Variants in SPTBN1 observed in about 807,000 individuals in gnomAD.
The protein encoded by SPTBN1 is spectrin beta, non-erythrocytic 1.
A neutral mutation model predicts 266.4 loss-of-function variants in SPTBN1; 32 were observed. The observed-to-expected ratio is 0.12, with a 90% confidence interval of 0.09 to 0.16. The LOEUF is 0.16. SPTBN1 is among the 10% of genes least tolerant of loss of function. The pLI, the probability that SPTBN1 is intolerant of heterozygous loss-of-function variation, is 1.00. For missense variants in SPTBN1, 2,296 were observed against 3,067.1 expected, an observed-to-expected ratio of 0.75 and a Z score of 5.94; for synonymous variants, 1,336 against 1,162.2, an observed-to-expected ratio of 1.15 and a Z score of -3.04.
At chr2:54,504,507 A>G (rs1268986025) in intron 1 of SPTBN1, among the ~76,000 whole-genome samples, 1 of 152,230 alleles carries the variant, frequency 6.6e-6, no homozygotes, top group Admixed American at 6.5e-5. Context: ...GAAAAAGCAG[A>G]AGCACGATTT....
intron 1 of SPTBN1, among the ~76,000 whole-genome samples, chr2:54,465,925 A>G (rs997564575): frequency 1.1e-4 from 17 of 152,230 alleles, no homozygotes; most frequent in African/African-American, 3.4e-4. Context: ...ATGAATTTCC[A>G]TTAATTTTGT....
At chr2:54,500,242 A>G (rs774035435) in intron 1 of SPTBN1, among the ~76,000 whole-genome samples, 2 of 152,234 alleles carry the variant, frequency 1.3e-5, no homozygotes, top group Non-Finnish European at 2.9e-5. Context: ...CAGGCAACAG[A>G]AAACAGAAAA....
At chr2:54,539,064 C>G (rs546247001) in intron 2 of SPTBN1, among the ~76,000 whole-genome samples, 1 of 152,160 alleles carries the variant, frequency 6.6e-6, no homozygotes, top group East Asian at 1.9e-4. Flanking sequence ...CTATTCTGTA[C>G]CCCATGTTCT....
At chr2:54,486,207 T>C (rs373730883) in intron 1 of SPTBN1, among the ~76,000 whole-genome samples, 37 of 151,932 alleles carry the variant, frequency 2.4e-4, no homozygotes, top group African/African-American at 3.4e-4. Flanking sequence ...GCCACCACCC[T>C]GTCTGGGAGG....
At chr2:54,644,698 A>ATATTT in intron 20 of SPTBN1, 112 bp downstream of exon 20, 1 of 1,385,308 alleles carries the variant, frequency 7.2e-7, no homozygotes, top group African/African-American at 1.4e-5. Context: ...ATGGGAAGGC[A>ATATTT]TTTTTAACCC....
At chr2:54,600,293 C>T (rs1469311355) in intron 3 of SPTBN1, among the ~76,000 whole-genome samples, 1 of 152,158 alleles carries the variant, frequency 6.6e-6, no homozygotes, top group Non-Finnish European at 1.5e-5. Context: ...TCTTCCCTGC[C>T]CTTCAGTTCA....
chr2:54,481,755 G>C (rs898483796), intron 1 of SPTBN1, among the ~76,000 whole-genome samples: 1 of 152,176 alleles, frequency 6.6e-6, no homozygotes, highest in Non-Finnish European at 1.5e-5. Context: ...AGAGTGTGTG[G>C]ATGGGTTAGC....
intron 2 of SPTBN1, among the ~76,000 whole-genome samples, chr2:54,535,660 A>G (rs1425658336): frequency 1.3e-5 from 2 of 152,258 alleles, no homozygotes; most frequent in Non-Finnish European, 1.5e-5. Flanking sequence ...AAAAGCTACT[A>G]GTACCATAGT....
At chr2:54,573,947 TCTC>T (rs747924211) in intron 2 of SPTBN1, among the ~76,000 whole-genome samples, 1 of 152,062 alleles carries the variant, frequency 6.6e-6, no homozygotes, top group Non-Finnish European at 1.5e-5. Context: ...AGCCCTCCCT[TCTC>T]CTCTGGGGTT....
chr2:54,493,680 G>A lies in SPTBN1; in HGVS notation c.-47-32692G>A, dbSNP rs1668812341. On this transcript the variant is annotated intron_variant, in intron 1 of 35. Coordinates refer to ENST00000356805, the MANE Select transcript of SPTBN1 (RefSeq NM_003128.3). Reference sequence around the variant, plus strand: ...GCCTCCCAAAGTGTTGGGATTACAGGCATGAGCCACCACACCTGGCCTTAT... The same window carrying A: ...GCCTCCCAAAGTGTTGGGATTACAGACATGAGCCACCACACCTGGCCTTAT... 2.0e-5 allele frequency among the ~76,000 whole-genome samples: 3 copies of A among 152,228 alleles called. No individual in the cohort carries two copies. In the South Asian group the frequency reaches 6.2e-4, roughly 32 times the overall value.
chr2:54,484,700 A>G (rs926882566), intron 1 of SPTBN1, among the ~76,000 whole-genome samples: 3 of 152,160 alleles, frequency 2.0e-5, no homozygotes, highest in African/African-American at 7.2e-5. Context: ...CAAGTAGAGA[A>G]GTGTTAACTC....
intron 18 of SPTBN1, among the ~76,000 whole-genome samples, chr2:54,638,423 A>G (rs11892236): frequency 0.15 from 23,257 of 152,288 alleles, 1,858 homozygotes; most frequent in Middle Eastern, 0.21. Flanking sequence ...TAAGACCTTC[A>G]TCTATCCATC....
chr2:54,664,301 C>CAG lies in SPTBN1; in HGVS notation c.6421-151_6421-150dup. The CAG allele has an allele frequency of 2.7e-6, 2 of 730,714 alleles. No homozygotes were observed. Among genetic ancestry groups the CAG allele is most frequent in the Non-Finnish European group, 4.6e-6 (2 of 437,176 alleles). The allele number at this position is 730,714 out of a possible 1,614,324, so 45.3% of individuals were successfully genotyped here. A position where few individuals can be genotyped will look rare whatever the true frequency, so the allele number is the denominator to read the frequency against. On this transcript the variant is annotated intron_variant, in intron 32 of 35. Transcript: ENST00000356805. The surrounding 1 kb of genome is among the most constrained non-coding windows in gnomAD (Gnocchi z 5.6). Reference sequence around the variant, plus strand: ...CCCACCTTCTAATGTCCTTGATGTCCAGCTGGCTTTGTGGGTGTGCAATGG... The same window carrying CAG: ...CCCACCTTCTAATGTCCTTGATGTCCAGAGCTGGCTTTGTGGGTGTGCAATGG...
intron 14 of SPTBN1, 30 bp from the exon 15 acceptor site, chr2:54,629,862 G>T: frequency 1.2e-6 from 2 of 1,613,760 alleles, no homozygotes; most frequent in Non-Finnish European, 1.7e-6. Flanking sequence ...TGGCCCAGGA[G>T]GTGACCACCC....
At chr2:54,468,082 G>A (rs1268957188) in intron 1 of SPTBN1, among the ~76,000 whole-genome samples, 1 of 152,106 alleles carries the variant, frequency 6.6e-6, no homozygotes, top group Admixed American at 6.6e-5. Flanking sequence ...GCCGAGGCGG[G>A]CAGATCATGA....
intron 2 of SPTBN1, among the ~76,000 whole-genome samples, chr2:54,536,848 A>G (rs1671635297): frequency 6.6e-6 from 1 of 152,080 alleles, no homozygotes; most frequent in African/African-American, 2.4e-5. Flanking sequence ...CCTGGCCAAC[A>G]TAGTGAGACC....
At position 54,617,603 on chromosome 2, in the gene SPTBN1, G is replaced by A; in HGVS notation, c.567-5G>A. On this transcript the variant is annotated splice_region_variant and splice_polypyrimidine_tract_variant and intron_variant, in intron 5 of 35. Coordinates refer to ENST00000356805, the MANE Select transcript of SPTBN1 (RefSeq NM_003128.3). ...TGCTTTTCCCTTCTGCTTTGTCCTT[G>A]GCAGGTACCCCAATGTCAACATTCA... 6.2e-7 allele frequency: 1 copy of A among 1,613,976 alleles called. No individual in the cohort carries two copies. The highest frequency in any genetic ancestry group is 8.5e-7 in the Non-Finnish European group (1 of 1,179,928).
Position 54,467,587 on chromosome 2 carries a change from G to T in SPTBN1, c.-48+11069G>T, listed in dbSNP as rs1693703924. ...TTTTAGTAGAGACGGGTTTCACCAT[G>T]TTGGCCAGACTGGTCTCGAACTCCT... is the stretch of plus-strand genomic sequence containing the variant. On this transcript the variant is annotated intron_variant, in intron 1 of 35. Coordinates refer to ENST00000356805, the MANE Select transcript of SPTBN1 (RefSeq NM_003128.3). Among the ~76,000 whole-genome samples the T allele has an allele frequency of 2.6e-5, 4 of 152,242 alleles. No homozygotes were observed. The South Asian group carries it at 8.3e-4, about 32-fold the overall frequency.
intron 20 of SPTBN1, 21 bp downstream of exon 20, chr2:54,644,607 G>C (rs768740904): frequency 6.3e-7 from 1 of 1,587,220 alleles, no homozygotes; most frequent in Non-Finnish European, 8.6e-7. Context: ...AAGCCATCAT[G>C]GACTTGGGTG....
Sources: allele counts gnomAD v4.1 joint callset (sites outside exome capture counted in the v4.1 genomes callset), GRCh38; gene constraint gnomAD v4.1.1; non-coding constraint Gnocchi (gnomAD v3.1); transcripts MANE v1.5; gene names NCBI Gene and HGNC (gene_info 2026-07-23, HGNC 2026-07-21).